Variants in MSRA observed in about 807,000 individuals in gnomAD.
MSRA encodes mitochondrial peptide methionine sulfoxide reductase.
MSRA carries 54 observed loss-of-function variants against 31.3 expected under a neutral mutation model. That is an observed-to-expected ratio of 1.73 (90% CI 1.39 to 2.17). The LOEUF is 2.17. Among genes scored for constraint, MSRA ranks in the 30% most tolerant of loss-of-function variants. MSRA has a pLI of 0.00. For missense variants in MSRA, 507 were observed against 300.9 expected (o/e 1.69, Z -5.07); for synonymous variants, 169 against 116.5 (o/e 1.45, Z -2.90).
chr8:10,385,041 C>T (rs1257696384), intron 5 of MSRA, among the ~76,000 whole-genome samples: 2 of 152,120 alleles, frequency 1.3e-5, no homozygotes, highest in Admixed American at 6.6e-5. Context: ...AGGGGAGCTG[C>T]TGCATAGGGT....
intron 1 of MSRA, among the ~76,000 whole-genome samples, chr8:10,150,624 G>T (rs919674581): frequency 6.6e-6 from 1 of 152,048 alleles, no homozygotes; most frequent in African/African-American, 2.4e-5. Flanking sequence ...GCCTCACATA[G>T]CAATTATGGC....
At chr8:10,318,566 C>G (rs1360953276) in intron 4 of MSRA, among the ~76,000 whole-genome samples, 1 of 152,156 alleles carries the variant, frequency 6.6e-6, no homozygotes, top group Non-Finnish European at 1.5e-5. Context: ...TTTTTCTGTC[C>G]TATCTCAAAA....
At chr8:10,065,570 A>G (rs958627517) in intron 1 of MSRA, among the ~76,000 whole-genome samples, 2 of 152,226 alleles carry the variant, frequency 1.3e-5, no homozygotes, top group African/African-American at 4.8e-5. Context: ...TTGGATATGA[A>G]GTTCCAAGTG....
At chr8:10,248,412 T>C (rs1314784917) in intron 3 of MSRA, among the ~76,000 whole-genome samples, 1 of 152,120 alleles carries the variant, frequency 6.6e-6, no homozygotes, top group Non-Finnish European at 1.5e-5. Flanking sequence ...TTACCACCGC[T>C]CTGTGCAACC....
At chr8:10,132,006 G>A (rs1801931753) in intron 1 of MSRA, among the ~76,000 whole-genome samples, 2 of 152,208 alleles carry the variant, frequency 1.3e-5, no homozygotes, top group East Asian at 3.9e-4. Flanking sequence ...TGAGTTTTTG[G>A]TCTCCTAATT....
At chr8:10,358,409 C>G (rs1461583876) in intron 5 of MSRA, among the ~76,000 whole-genome samples, 1 of 152,054 alleles carries the variant, frequency 6.6e-6, no homozygotes, top group African/African-American at 2.4e-5. Flanking sequence ...ATTTTTGTGG[C>G]TATGTCATAT....
intron 3 of MSRA, among the ~76,000 whole-genome samples, chr8:10,258,229 T>C (rs1434658869): frequency 6.6e-6 from 1 of 152,140 alleles, no homozygotes. Context: ...TCTAGAGTCG[T>C]TGTTTTGAAC....
At chr8:10,323,230 T>C (rs182782746) in intron 5 of MSRA, among the ~76,000 whole-genome samples, 2 of 152,250 alleles carry the variant, frequency 1.3e-5, no homozygotes, top group Non-Finnish European at 2.9e-5. Flanking sequence ...AACCAAGAAC[T>C]TAAAAAGTGG....
intron 5 of MSRA, among the ~76,000 whole-genome samples, chr8:10,356,512 T>A (rs1181013532): frequency 6.6e-6 from 1 of 152,222 alleles, no homozygotes; most frequent in African/African-American, 2.4e-5. Context: ...CCCAGGTGTG[T>A]GCTGTGGACT....
intron 1 of MSRA, among the ~76,000 whole-genome samples, chr8:10,074,127 G>C (rs1797878501): frequency 7.8e-6 from 1 of 128,772 alleles, no homozygotes; most frequent in East Asian, 2.5e-4. Flanking sequence ...CTGTCCCCCA[G>C]GCTGGAGTGC....
rs562428787 is a variant in MSRA at position 10,217,770 on chromosome 8, T to C, written c.211+9869T>C. Among the ~76,000 whole-genome samples the C allele has an allele frequency of 1.4e-4, 21 of 152,342 alleles. No individual in the cohort carries two copies. The East Asian group carries it at 3.9e-3, about 28-fold the overall frequency. ...GATTTTTTACACCTAAAATAATACT[T>C]TTTAAATATCATCAAATCTCCAGTG... On this transcript the variant is annotated intron_variant, in intron 2 of 5. Transcript: ENST00000317173.
intron 4 of MSRA, among the ~76,000 whole-genome samples, chr8:10,318,173 G>A (rs188133567): frequency 1.6e-4 from 25 of 152,292 alleles, no homozygotes; most frequent in Non-Finnish European, 2.6e-4. Context: ...CTTTGGTGTC[G>A]GGGCCATCAA....
intron 1 of MSRA, among the ~76,000 whole-genome samples, chr8:10,109,729 GTAGTT>G (rs1243655389): frequency 6.6e-6 from 1 of 152,194 alleles, no homozygotes; most frequent in East Asian, 1.9e-4. Flanking sequence ...ATTTCTGATA[GTAGTT>G]TAGTTTATAT....
chr8:10,143,459 G>C (rs560439442), intron 1 of MSRA, among the ~76,000 whole-genome samples: 2 of 152,268 alleles, frequency 1.3e-5, no homozygotes, highest in South Asian at 4.1e-4. Context: ...GTGTCGCAGC[G>C]ATTGTTAATC....
intron 3 of MSRA, among the ~76,000 whole-genome samples, chr8:10,264,095 T>C (rs2952189): frequency 0.82 from 124,491 of 152,154 alleles, 51,428 homozygotes; most frequent in East Asian, 0.96. Flanking sequence ...AAGCAGAGCC[T>C]TCCAAGTTTA....
intron 5 of MSRA, among the ~76,000 whole-genome samples, chr8:10,392,890 CAAAAAAAAA>C (rs869085304): frequency 2.6e-5 from 3 of 113,276 alleles, no homozygotes; most frequent in Non-Finnish European, 1.7e-5. Context: ...ACTAAAAATG[CAAAAAAAAA>C]AAAAAAAAAA....
intron 4 of MSRA, among the ~76,000 whole-genome samples, chr8:10,316,163 T>C (rs1461286386): frequency 6.6e-6 from 1 of 152,208 alleles, no homozygotes; most frequent in African/African-American, 2.4e-5. Context: ...AGTGACCGTA[T>C]TGTGTGGCTG....
chr8:10,384,601 A>T (rs1563418751), intron 5 of MSRA, among the ~76,000 whole-genome samples: 1 of 152,226 alleles, frequency 6.6e-6, no homozygotes. Flanking sequence ...GGACACAGGC[A>T]CGAGTAGGTA....
intron 5 of MSRA, among the ~76,000 whole-genome samples, chr8:10,380,415 A>G (rs1805995701): frequency 1.3e-5 from 2 of 152,142 alleles, no homozygotes; most frequent in Admixed American, 6.5e-5. Flanking sequence ...CTGAAGGCTC[A>G]TCGTTTTTGA....
Sources: allele counts gnomAD v4.1 joint callset (sites outside exome capture counted in the v4.1 genomes callset), GRCh38; gene constraint gnomAD v4.1.1; transcripts MANE v1.5; gene names NCBI Gene and HGNC (gene_info 2026-07-23, HGNC 2026-07-21).